Variants in CHSY3 observed in about 807,000 individuals in gnomAD.
CHSY3 encodes the protein chondroitin sulfate synthase 3.
CHSY3 carries 35 observed loss-of-function variants against 67.2 expected under a neutral mutation model. The ratio of observed to expected loss-of-function variants is 0.52; its 90% confidence interval spans 0.40 to 0.69. The LOEUF is 0.69. CHSY3 is among the 30% of genes least tolerant of loss of function. The probability of loss-of-function intolerance (pLI) is 0.00; values close to 1 mark genes in which losing one functional copy is unlikely to be tolerated. For missense variants in CHSY3, 1,069 were observed against 1,138.5 expected, an observed-to-expected ratio of 0.94 and a Z score of 0.88; for synonymous variants, 474 against 434.7, an observed-to-expected ratio of 1.09 and a Z score of -1.12.
At chr5:130,062,348 G>A (rs1765742131) in intron 2 of CHSY3, among the ~76,000 whole-genome samples, 1 of 151,932 alleles carries the variant, frequency 6.6e-6, no homozygotes, top group Non-Finnish European at 1.5e-5. Flanking sequence ...CTAAACAGTG[G>A]GCACACATGG....
intron 2 of CHSY3, among the ~76,000 whole-genome samples, chr5:130,179,635 T>A (rs576400980): frequency 6.6e-6 from 1 of 152,256 alleles, no homozygotes; most frequent in South Asian, 2.1e-4. Context: ...TAGAGGCAAA[T>A]TCTTCATATG....
intron 2 of CHSY3, among the ~76,000 whole-genome samples, chr5:130,128,244 GT>G (rs1180329344): frequency 8.0e-5 from 12 of 150,798 alleles, no homozygotes; most frequent in Non-Finnish European, 1.3e-4. Flanking sequence ...GTGTGTGTGT[GT>G]GTGTGTGTGC....
chr5:129,930,004 G>T (rs764114000), intron 2 of CHSY3, among the ~76,000 whole-genome samples: 12 of 152,158 alleles, frequency 7.9e-5, no homozygotes, highest in Non-Finnish European at 1.5e-4. Flanking sequence ...ATACCTGAAT[G>T]AATGTATTGG....
chr5:130,061,324 T>C (rs1308466966), intron 2 of CHSY3, among the ~76,000 whole-genome samples: 1 of 152,168 alleles, frequency 6.6e-6, no homozygotes, highest in Non-Finnish European at 1.5e-5. Context: ...GGACACCTTA[T>C]TCAATAAATG....
At chr5:129,916,385 G>T (rs1760730411) in intron 2 of CHSY3, among the ~76,000 whole-genome samples, 1 of 152,120 alleles carries the variant, frequency 6.6e-6, no homozygotes, top group Non-Finnish European at 1.5e-5. Context: ...CACAGAAGAG[G>T]TTCAGAGAAT....
chr5:129,966,612 A>G (rs1238419139), intron 2 of CHSY3, among the ~76,000 whole-genome samples: 1 of 151,826 alleles, frequency 6.6e-6, no homozygotes, highest in Non-Finnish European at 1.5e-5. Context: ...AAAGATTCCC[A>G]AGACATACTC....
At chr5:130,092,744 C>A (rs1766920639) in intron 2 of CHSY3, among the ~76,000 whole-genome samples, 1 of 152,158 alleles carries the variant, frequency 6.6e-6, no homozygotes, top group Non-Finnish European at 1.5e-5. Flanking sequence ...TAATCAGGTG[C>A]TGTGGCAGAG....
intron 2 of CHSY3, among the ~76,000 whole-genome samples, chr5:130,135,343 A>C (rs775208719): frequency 4.0e-4 from 61 of 151,904 alleles, no homozygotes; most frequent in Middle Eastern, 3.4e-3. Flanking sequence ...CATCTCTTTA[A>C]ACTTACTGTA....
chr5:130,043,473 G>GTTACT (rs1765059962), intron 2 of CHSY3, among the ~76,000 whole-genome samples: 1 of 152,040 alleles, frequency 6.6e-6, no homozygotes, highest in Admixed American at 6.6e-5. Flanking sequence ...GAAAGTGGAG[G>GTTACT]TTACTTCAGA....
chr5:130,078,164 A>G (rs1006118308), intron 2 of CHSY3, among the ~76,000 whole-genome samples: 1 of 152,120 alleles, frequency 6.6e-6, no homozygotes, highest in African/African-American at 2.4e-5. Flanking sequence ...GTCTGATCCC[A>G]GGTTCCAAAT....
At chr5:130,035,378 A>G (rs1394490701) in intron 2 of CHSY3, among the ~76,000 whole-genome samples, 4 of 152,180 alleles carry the variant, frequency 2.6e-5, no homozygotes, top group African/African-American at 9.6e-5. Context: ...ATAAACAGCC[A>G]AAAACATGGA....
At chr5:129,952,592 A>G (rs183558457) in intron 2 of CHSY3, among the ~76,000 whole-genome samples, 1 of 152,290 alleles carries the variant, frequency 6.6e-6, no homozygotes, top group Non-Finnish European at 1.5e-5. Context: ...GAAAATGTCC[A>G]TTTGATTCTT....
At chr5:130,140,945 T>C (rs1175663041) in intron 2 of CHSY3, 1 of 872,478 alleles carries the variant, frequency 1.1e-6, no homozygotes, top group Non-Finnish European at 1.4e-6. Context: ...ATTGAATGCT[T>C]ACCTGTTCCA....
At chr5:130,182,105 C>A (rs777499122) in intron 2 of CHSY3, among the ~76,000 whole-genome samples, 3 of 151,968 alleles carry the variant, frequency 2.0e-5, no homozygotes, top group Non-Finnish European at 2.9e-5. Context: ...AGTGATAGAA[C>A]CAAGTTATAT....
chr5:129,965,910 A>G lies in CHSY3; in HGVS notation c.1086+57550A>G, dbSNP rs553819888. Among the ~76,000 whole-genome samples the G allele has an allele frequency of 4.1e-4, 62 of 151,896 alleles. 2 individuals are homozygous for G. The South Asian group carries it at 0.013, about 31-fold the overall frequency. On this transcript the variant is annotated intron_variant, in intron 2 of 2. Coordinates refer to ENST00000305031, the MANE Select transcript of CHSY3 (RefSeq NM_175856.5). ...TCAGAGCCTTAAATTCTTGTTTTAA[A>G]AGTTGTTACATGAGGAGTAGTTGAC...
intron 2 of CHSY3, among the ~76,000 whole-genome samples, chr5:130,121,034 C>T (rs1383316012): frequency 6.6e-6 from 1 of 152,196 alleles, no homozygotes; most frequent in East Asian, 1.9e-4. Context: ...GTGTGCCCTA[C>T]TGTTCCGTTT....
chr5:129,990,814 A>G (rs1763341041), intron 2 of CHSY3, among the ~76,000 whole-genome samples: 1 of 152,126 alleles, frequency 6.6e-6, no homozygotes, highest in African/African-American at 2.4e-5. Context: ...AGGGATCAAG[A>G]AGTTTATAGT....
In CHSY3 at chr5:130,003,160, C is replaced by T. The variant is rs188640191; in HGVS notation, c.1086+94800C>T. On this transcript the variant is annotated intron_variant, in intron 2 of 2. Coordinates refer to ENST00000305031, the MANE Select transcript of CHSY3 (RefSeq NM_175856.5). ...TGTTGCTAATTAATTTGTGAGGACT[C>T]GGCTGGAATATCCATGATAGCCGAG... Among the ~76,000 whole-genome samples the T allele has an allele frequency of 1.6e-3, 237 of 152,084 alleles. 2 individuals are homozygous for T. Among genetic ancestry groups the T allele is most frequent in the African/African-American group, 5.5e-3 (228 of 41,500 alleles).
At chr5:129,962,207 A>G (rs1762345534) in intron 2 of CHSY3, among the ~76,000 whole-genome samples, 1 of 152,022 alleles carries the variant, frequency 6.6e-6, no homozygotes, top group African/African-American at 2.4e-5. Flanking sequence ...CTGAACGCAT[A>G]ACCTTCAGCA....
Sources: allele counts gnomAD v4.1 joint callset (sites outside exome capture counted in the v4.1 genomes callset), GRCh38; gene constraint gnomAD v4.1.1; transcripts MANE v1.5; gene names NCBI Gene and HGNC (gene_info 2026-07-23, HGNC 2026-07-21).